Variants in AP2B1 observed in about 807,000 individuals in gnomAD.
The protein encoded by AP2B1 is AP-2 complex subunit beta.
AP2B1 carries 23 observed loss-of-function variants against 102.0 expected under a neutral mutation model. That is an observed-to-expected ratio of 0.23 (90% confidence interval 0.16 to 0.32). AP2B1 has a LOEUF of 0.32. AP2B1 is among the 10% of genes least tolerant of loss of function. The pLI is 1.00. For missense variants in AP2B1, 541 were observed against 1,157.4 expected, an observed-to-expected ratio of 0.47 and a Z score of 7.73; for synonymous variants, 381 against 421.2, an observed-to-expected ratio of 0.90 and a Z score of 1.17.
At chr17:35,629,671 G>C (rs2074410282) in intron 9 of AP2B1, among the ~76,000 whole-genome samples, 3 of 152,178 alleles carry the variant, frequency 2.0e-5, no homozygotes, top group Non-Finnish European at 4.4e-5. Context: ...TTCTGTTTAA[G>C]AAAGAGGTAA....
rs181774033 is a variant in AP2B1 at position 35,674,977 on chromosome 17, G to T, written c.2324+656G>T. 2.2e-4 allele frequency among the ~76,000 whole-genome samples: 34 copies of T among 152,310 alleles called. No individual in the cohort carries two copies. The East Asian group carries it at 6.2e-3, about 28-fold the overall frequency. On this transcript the variant is annotated intron_variant, in intron 17 of 21. Transcript: ENST00000610402. ...GAGCCAGACATTTCTAGGTACTGGG[G>T]CTAGAGTAGTGAACCAAACAAAGCT... is the stretch of plus-strand genomic sequence containing the variant.
At chr17:35,715,582 A>G (rs922485070) in intron 20 of AP2B1, among the ~76,000 whole-genome samples, 3 of 152,246 alleles carry the variant, frequency 2.0e-5, no homozygotes, top group Non-Finnish European at 4.4e-5. Context: ...GTCAAAAGGC[A>G]TTAGCCAAAC....
chr17:35,684,314 T>A (rs1213337097), intron 18 of AP2B1, among the ~76,000 whole-genome samples: 1 of 152,146 alleles, frequency 6.6e-6, no homozygotes, highest in Non-Finnish European at 1.5e-5. Context: ...TGAAATATAT[T>A]TAAAATGATG....
chr17:35,627,613 A>T lies in AP2B1; in HGVS notation c.1060-18A>T. 1 of 1,613,506 alleles carries T rather than the reference A, an allele frequency of 6.2e-7. No homozygotes were observed. Among genetic ancestry groups the T allele is most frequent in the South Asian group, 1.1e-5 (1 of 91,034 alleles). Reference sequence around the variant, plus strand: ...ATTTGAGAATCCTTAATGATTAACCACTTCCTGGGTTTAACAGGTTCTGGC... The same window carrying T: ...ATTTGAGAATCCTTAATGATTAACCTCTTCCTGGGTTTAACAGGTTCTGGC... On this transcript the variant is annotated intron_variant, in intron 8 of 21. Transcript: ENST00000610402.
chr17:35,682,260 CAA>C lies in AP2B1; in HGVS notation c.2325-422_2325-421del, dbSNP rs11287908. Among the ~76,000 whole-genome samples the C allele has an allele frequency of 2.2e-3, 294 of 134,644 alleles. 1 individual carries two copies. Among genetic ancestry groups the C allele is most frequent in the African/African-American group, 2.7e-3 (97 of 35,556 alleles). The allele number at this position is 134,644 out of a possible 152,430, so 88.3% of individuals were successfully genotyped here. A position where few individuals can be genotyped will look rare whatever the true frequency, so the allele number is the denominator to read the frequency against. On this transcript the variant is annotated intron_variant, in intron 17 of 21. Coordinates refer to ENST00000610402, the MANE Select transcript of AP2B1 (RefSeq NM_001030006.2). Reference sequence around the variant, plus strand: ...GGGTGACAGAATGAGACCCTATCTCCAAAAAAAAAAAAAAGTTTCCTTTAAAT... The same window carrying C: ...GGGTGACAGAATGAGACCCTATCTCCAAAAAAAAAAAAGTTTCCTTTAAAT...
At position 35,641,951 on chromosome 17, in the gene AP2B1, G is replaced by A; in HGVS notation, c.1512G>A (p.Gln504=). The change falls in exon 12 of 22, where the codon CAG becomes CAA. Residue 504 remains glutamine, a synonymous_variant. Transcript: ENST00000610402. ...KKPSETQELV[Q]QVLSLATQDS... ...CATCAGAAACACAGGAGCTAGTCCAGCAGGTCTTGAGTTTGGCAACACAGG... is the reference window on the plus strand; with the variant it reads ...CATCAGAAACACAGGAGCTAGTCCAACAGGTCTTGAGTTTGGCAACACAGG... 6.2e-7 allele frequency: 1 copy of A among 1,612,438 alleles called. No individual in the cohort carries two copies. Among genetic ancestry groups the A allele is most frequent in the Non-Finnish European group, 8.5e-7 (1 of 1,178,678 alleles).
intron 14 of AP2B1, among the ~76,000 whole-genome samples, chr17:35,661,177 A>G (rs1473430913): frequency 6.6e-6 from 1 of 152,162 alleles, no homozygotes; most frequent in African/African-American, 2.4e-5. Flanking sequence ...CTCTATCTGC[A>G]GAATTGGTCC....
At chr17:35,705,872 A>G (rs901624111) in intron 18 of AP2B1, among the ~76,000 whole-genome samples, 1 of 152,138 alleles carries the variant, frequency 6.6e-6, no homozygotes, top group Non-Finnish European at 1.5e-5. Flanking sequence ...GACACTTTCT[A>G]CAGTACTTAT....
At chr17:35,630,493 T>G (rs933449571) in intron 9 of AP2B1, among the ~76,000 whole-genome samples, 6 of 152,224 alleles carry the variant, frequency 3.9e-5, no homozygotes, top group African/African-American at 1.2e-4. Context: ...GGTGGTTTTG[T>G]TCTCTTCACT....
intron 18 of AP2B1, among the ~76,000 whole-genome samples, chr17:35,690,916 C>T (rs941379237): frequency 1.3e-5 from 2 of 152,110 alleles, no homozygotes; most frequent in Admixed American, 6.6e-5. Context: ...TTCCTTCCTG[C>T]GATACAACTT....
chr17:35,616,862 T>A (rs2074036848), intron 5 of AP2B1, among the ~76,000 whole-genome samples: 1 of 152,212 alleles, frequency 6.6e-6, no homozygotes. Flanking sequence ...CAAATAGATT[T>A]GGGTTTGTAT....
chr17:35,681,021 C>T (rs1369615538), intron 17 of AP2B1, among the ~76,000 whole-genome samples: 1 of 152,112 alleles, frequency 6.6e-6, no homozygotes, highest in Non-Finnish European at 1.5e-5. Flanking sequence ...TATCCTTATG[C>T]TTCTCAGACC....
intron 20 of AP2B1, among the ~76,000 whole-genome samples, chr17:35,715,449 G>A (rs9904187): frequency 0.15 from 22,995 of 152,262 alleles, 1,871 homozygotes; most frequent in East Asian, 0.29. Context: ...CAACAAGGTG[G>A]GTGTTCAACA....
At chr17:35,662,400 G>A (rs183724229) in intron 14 of AP2B1, among the ~76,000 whole-genome samples, 1 of 152,172 alleles carries the variant, frequency 6.6e-6, no homozygotes, top group East Asian at 1.9e-4. Context: ...TGTAGTTTAT[G>A]CAGTTGATCT....
At position 35,657,744 on chromosome 17, in the gene AP2B1, A is replaced by G. The variant is rs779795416; in HGVS notation, c.1942A>G (p.Met648Val). The change falls in exon 14 of 22, where the codon ATG becomes GTG. Residue 648 changes from methionine (M) to valine (V), a missense_variant. Physicochemically the swap from Met to Val is conservative, Grantham distance 21. This residue lies in a region of AP2B1 where 27 missense variants were observed against 84.1 expected (regional missense o/e 0.32). Transcript: ENST00000610402. The stretch of plus-strand genomic sequence containing the variant: ...AGTCAATGTGCCACAGGTGTCCTCC[A>G]TGCAGATGGGAGCAGTGGATCTCCT... ...PPVNVPQVSSMQMGAVDLLGG... is the reference protein window; with the variant it reads ...PPVNVPQVSSVQMGAVDLLGG... The G allele has an allele frequency of 1.2e-6, 2 of 1,614,162 alleles. No homozygotes were observed. The highest frequency in any genetic ancestry group is 2.2e-5 in the South Asian group (2 of 91,086).
intron 1 of AP2B1, among the ~76,000 whole-genome samples, chr17:35,591,995 C>T (rs998802160): frequency 6.6e-6 from 1 of 152,150 alleles, no homozygotes; most frequent in East Asian, 1.9e-4. Flanking sequence ...AGGATCAAGA[C>T]TATAAATAGT....
chr17:35,662,586 T>G lies in AP2B1; in HGVS notation c.1989+4795T>G, dbSNP rs1016219443. ...GTACTTAATCTAAGAAACTGCTCGT[T>G]CTGAGTAGTGTGATTTTTCTCACCG... On this transcript the variant is annotated intron_variant, in intron 14 of 21. Coordinates refer to ENST00000610402, the MANE Select transcript of AP2B1 (RefSeq NM_001030006.2). 5.3e-5 allele frequency among the ~76,000 whole-genome samples: 8 copies of G among 150,858 alleles called. 1 individual carries two copies. In the South Asian group the frequency reaches 1.7e-3, roughly 32 times the overall value.
intron 18 of AP2B1, among the ~76,000 whole-genome samples, chr17:35,696,432 T>TA (rs2076143342): frequency 6.7e-6 from 1 of 149,690 alleles, no homozygotes; most frequent in Non-Finnish European, 1.5e-5. Context: ...TTTTTTTTTT[T>TA]AAGTCTCACT....
intron 5 of AP2B1, among the ~76,000 whole-genome samples, chr17:35,612,820 C>A (rs1208495926): frequency 6.6e-6 from 1 of 151,724 alleles, no homozygotes; most frequent in Non-Finnish European, 1.5e-5. Flanking sequence ...GCCTGTCATC[C>A]CAGCAGTTTG....
Sources: allele counts gnomAD v4.1 joint callset (sites outside exome capture counted in the v4.1 genomes callset), GRCh38; gene constraint gnomAD v4.1.1; regional missense constraint gnomAD v4.1.1; transcripts MANE v1.5; gene names NCBI Gene and HGNC (gene_info 2026-07-23, HGNC 2026-07-21).